The following EI24 variants were observed in gnomAD, a reference collection of about 807,000 sequenced individuals.
The protein encoded by EI24 is EI24 autophagy associated transmembrane protein, also known as etoposide-induced protein 2.4 homolog.
EI24 carries 21 observed loss-of-function variants against 48.6 expected under a neutral mutation model. The observed-to-expected ratio is 0.43, with a 90% CI of 0.31 to 0.62. EI24 has a LOEUF of 0.62. Among genes scored for constraint, EI24 ranks in the 20% least tolerant of loss-of-function variants. The probability of loss-of-function intolerance (pLI) is 0.10; values close to 1 mark genes in which losing one functional copy is unlikely to be tolerated. For missense variants in EI24, 280 were observed against 410.5 expected (o/e 0.68, Z 2.75); for synonymous variants, 114 against 145.5 (o/e 0.78, Z 1.56).
chr11:125,570,051 T>A (rs1185070989), intron 1 of EI24: 3 of 152,426 alleles, frequency 2.0e-5, no homozygotes, highest in Non-Finnish European at 4.4e-5. Flanking sequence ...TCTCAGCAGA[T>A]GCTTATTAGC....
intron 6 of EI24, among the ~76,000 whole-genome samples, chr11:125,578,570 A>G (rs928951359): frequency 2.2e-4 from 32 of 147,364 alleles, no homozygotes; most frequent in African/African-American, 6.8e-4. Context: ...GGTTCAAGCA[A>G]TTCTCCTGCT....
intron 2 of EI24, among the ~76,000 whole-genome samples, chr11:125,573,964 G>A (rs1425414301): frequency 6.6e-6 from 1 of 152,018 alleles, no homozygotes; most frequent in African/African-American, 2.4e-5. Context: ...TTACAGGCAT[G>A]AGCCACCGTG....
intron 1 of EI24, among the ~76,000 whole-genome samples, chr11:125,572,031 T>C (rs1357883761): frequency 6.6e-6 from 1 of 152,206 alleles, no homozygotes; most frequent in Non-Finnish European, 1.5e-5. Context: ...TGTATTTTCA[T>C]TCAAGTATTT....
intron 2 of EI24, 53 bp downstream of exon 2, chr11:125,572,622 T>C: frequency 2.0e-6 from 3 of 1,485,608 alleles, no homozygotes; most frequent in Non-Finnish European, 2.8e-6. Flanking sequence ...TTTTTTTTGC[T>C]GAAGGAACCA....
chr11:125,569,909 C>T, intron 1 of EI24: 1 of 170,604 alleles, frequency 5.9e-6, no homozygotes. Flanking sequence ...CCTGAATGGA[C>T]CCGTGGACTC....
intron 6 of EI24, among the ~76,000 whole-genome samples, 172 bp downstream of exon 6, chr11:125,578,429 G>T (rs187809509): frequency 1.4e-5 from 2 of 146,592 alleles, no homozygotes; most frequent in Non-Finnish European, 3.0e-5. Context: ...TGGAATTATT[G>T]TCTCAGCATC....
chr11:125,576,967 A>G (rs985605663), intron 4 of EI24, among the ~76,000 whole-genome samples: 3 of 152,150 alleles, frequency 2.0e-5, no homozygotes, highest in Non-Finnish European at 2.9e-5. Context: ...ATGTTCCTGT[A>G]TGCCCCCAAA....
chr11:125,577,424 T>C (rs1591357335), intron 4 of EI24, 80 bp from the exon 5 acceptor site: 3 of 1,396,668 alleles, frequency 2.1e-6, no homozygotes, highest in Non-Finnish European at 2.0e-6. Flanking sequence ...CTCCCATCTA[T>C]AAAATCATTA....
intron 3 of EI24, 174 bp from the exon 4 acceptor site, chr11:125,576,081 C>T (rs1442540901): frequency 4.3e-5 from 29 of 668,748 alleles, no homozygotes; most frequent in Non-Finnish European, 6.9e-5. Context: ...TGAGCCACTG[C>T]GCTTGACCAT....
At chr11:125,573,415 TG>T in intron 2 of EI24, 1 of 190,122 alleles carries the variant, frequency 5.3e-6, no homozygotes, top group Admixed American at 5.2e-5. Context: ...ATTCTTGGAG[TG>T]GGGAGGTTCT....
intron 7 of EI24, 147 bp downstream of exon 7, chr11:125,579,215 T>C (rs1408794781): frequency 8.4e-6 from 6 of 710,220 alleles, no homozygotes; most frequent in East Asian, 3.4e-5. Flanking sequence ...AATCTTTTTT[T>C]CCCCACGGAA....
At position 125,582,437 on chromosome 11, in the gene EI24, G is replaced by C. The variant is rs765829350; in HGVS notation, c.860+17G>C. ...CAAAGCATAGTAAGTATTAGCCAGT[G>C]ATGAAATTTTTGCTGTGTAAAGGGT... On this transcript the variant is annotated intron_variant, in intron 10 of 10. Coordinates refer to ENST00000278903, the MANE Select transcript of EI24 (RefSeq NM_004879.5). 1 of 1,574,052 alleles carries C rather than the reference G, an allele frequency of 6.4e-7. No individual in the cohort carries two copies. Among genetic ancestry groups the C allele is most frequent in the Non-Finnish European group, 8.6e-7 (1 of 1,161,368 alleles).
chr11:125,575,313 T>C lies in EI24; in HGVS notation c.93T>C (p.Ala31=). 6.4e-7 allele frequency: 1 copy of C among 1,561,462 alleles called. No individual in the cohort carries two copies. Among genetic ancestry groups the C allele is most frequent in the East Asian group, 2.4e-5 (1 of 41,812 alleles). The change falls in exon 3 of 11, where the codon GCT becomes GCC. Residue 31 remains alanine, a synonymous_variant. Coordinates refer to ENST00000278903, the MANE Select transcript of EI24 (RefSeq NM_004879.5). ...WGICTISKLD[A]RIQQKREEQR... is the part of the protein sequence containing the mutation. Reference sequence around the variant, plus strand: ...TTTGTACCATCTCAAAGCTAGATGCTCGAATCCAGCAAAAGAGAGAGGAGC... The same window carrying C: ...TTTGTACCATCTCAAAGCTAGATGCCCGAATCCAGCAAAAGAGAGAGGAGC...
rs1591357551 is a variant in EI24 at position 125,577,647 on chromosome 11, C to T, written c.316+77C>T. 3 of 1,231,620 alleles carry T rather than the reference C, an allele frequency of 2.4e-6. No homozygotes were observed. In the East Asian group the frequency reaches 7.1e-5, roughly 29 times the overall value. The allele number at this position is 1,231,620 out of a possible 1,614,324, so 76.3% of individuals were successfully genotyped here. On this transcript the variant is annotated intron_variant, in intron 5 of 10. Transcript: ENST00000278903. ...TTTCAGTCTCCCTCAGTTTACTGAACATTTCCTGTGTACCAGGAGCTTTCA... is the reference window on the plus strand; with the variant it reads ...TTTCAGTCTCCCTCAGTTTACTGAATATTTCCTGTGTACCAGGAGCTTTCA...
At chr11:125,577,635 C>T (rs543557620) in intron 5 of EI24, 65 bp downstream of exon 5, 1 of 1,338,388 alleles carries the variant, frequency 7.5e-7, no homozygotes, top group South Asian at 1.3e-5. Flanking sequence ...CAGTCTCCCT[C>T]AGTTTACTGA....
intron 6 of EI24, 128 bp downstream of exon 6, chr11:125,578,385 G>T (rs984747859): frequency 3.5e-5 from 41 of 1,158,510 alleles, no homozygotes; most frequent in African/African-American, 1.5e-5. Flanking sequence ...TCTTGGCCAG[G>T]TAGCCAGTAG....
chr11:125,576,407 A>G, intron 4 of EI24, 92 bp downstream of exon 4: 7 of 1,144,434 alleles, frequency 6.1e-6, no homozygotes, highest in Non-Finnish European at 9.0e-6. Flanking sequence ...CACTGAGACA[A>G]ATAGTTTTCA....
chr11:125,580,167 C>T lies in EI24; in HGVS notation c.636C>T (p.Tyr212=). 1 of 1,613,660 alleles carries T rather than the reference C, an allele frequency of 6.2e-7. No individual in the cohort carries two copies. Among genetic ancestry groups the T allele is most frequent in the Middle Eastern group, 1.6e-4 (1 of 6,062 alleles). ...GTCTCCTGCATATGTCCCTTCTCTACTCACTGTACTGCTTTGAATATCGTT... is the reference window on the plus strand; with the variant it reads ...GTCTCCTGCATATGTCCCTTCTCTATTCACTGTACTGCTTTGAATATCGTT... ...LVSLLHMSLL[Y]SLYCFEYRWF... Residue 212 remains tyrosine, a synonymous_variant, in exon 8 of 11, where the codon TAC becomes TAT. Transcript: ENST00000278903.
At chr11:125,581,586 G>A (rs896234190) in intron 9 of EI24, among the ~76,000 whole-genome samples, 7 of 110,780 alleles carry the variant, frequency 6.3e-5, no homozygotes, top group Admixed American at 1.4e-4. Flanking sequence ...TCACTCTGTC[G>A]CCCAGGCTAG....
Sources: gnomAD v4.1 joint callset for allele counts (sites outside exome capture counted in the v4.1 genomes callset) on GRCh38, gnomAD v4.1.1 for gene constraint, MANE v1.5 for transcripts, NCBI Gene and HGNC (gene_info 2026-07-23, HGNC 2026-07-21) for gene names.